Variants in CTNNA2 observed in about 807,000 individuals in gnomAD.
The protein encoded by CTNNA2 is catenin alpha-2.
Under a neutral mutation model 101.0 loss-of-function variants are expected in CTNNA2, and 42 were observed. That is an observed-to-expected ratio of 0.42 (90% CI 0.32 to 0.54). The LOEUF is 0.54. Ranked by LOEUF, CTNNA2 falls within the 20% of genes least tolerant of loss-of-function variation. The pLI is 0.14. For synonymous variants in CTNNA2, 450 were observed against 456.4 expected (o/e 0.99, Z 0.18); for missense variants, 871 against 1,223.1 (o/e 0.71, Z 4.29).
intron 3 of CTNNA2, among the ~76,000 whole-genome samples, chr2:79,752,609 T>C (rs1201756560): frequency 6.6e-6 from 1 of 152,328 alleles, no homozygotes; most frequent in African/African-American, 2.4e-5. Context: ...TATTTCTTTT[T>C]GCCTCTCATA....
At chr2:79,642,333 C>T (rs893337372) in intron 1 of CTNNA2, among the ~76,000 whole-genome samples, 1 of 152,190 alleles carries the variant, frequency 6.6e-6, no homozygotes, top group Non-Finnish European at 1.5e-5. Flanking sequence ...CCGCACCCCA[C>T]CCTGCCTTCA....
chr2:80,579,054 C>T (rs184498290), intron 13 of CTNNA2: 9 of 151,970 alleles, frequency 5.9e-5, no homozygotes, highest in Non-Finnish European at 8.8e-5. Flanking sequence ...TTATAATCTC[C>T]GTTTTATGAG....
At chr2:80,111,535 T>C (rs1441167860) in intron 7 of CTNNA2, among the ~76,000 whole-genome samples, 1 of 152,130 alleles carries the variant, frequency 6.6e-6, no homozygotes, top group Non-Finnish European at 1.5e-5. Context: ...GATGTTGAGG[T>C]AAAATATTTC....
At chr2:79,656,841 C>G (rs1681643601) in intron 2 of CTNNA2, among the ~76,000 whole-genome samples, 1 of 151,222 alleles carries the variant, frequency 6.6e-6, no homozygotes, top group Non-Finnish European at 1.5e-5. Context: ...TATTACAAAA[C>G]TAAAAAAAAA....
intron 7 of CTNNA2, among the ~76,000 whole-genome samples, chr2:80,041,866 A>G (rs1355336173): frequency 6.6e-6 from 1 of 152,262 alleles, no homozygotes; most frequent in Non-Finnish European, 1.5e-5. Context: ...CACAGGTAGC[A>G]CATAGGCTTA....
intron 7 of CTNNA2, among the ~76,000 whole-genome samples, chr2:80,078,709 G>A (rs1388536435): frequency 6.6e-6 from 1 of 152,108 alleles, no homozygotes; most frequent in African/African-American, 2.4e-5. Context: ...GCTCCATCTG[G>A]TGCTGCTTTT....
intron 2 of CTNNA2, among the ~76,000 whole-genome samples, chr2:79,689,291 A>G (rs1463918593): frequency 1.3e-5 from 2 of 151,994 alleles, no homozygotes; most frequent in East Asian, 3.9e-4. Flanking sequence ...TACACTCAGG[A>G]TCAAGGGAAA....
intron 2 of CTNNA2, among the ~76,000 whole-genome samples, chr2:79,717,836 G>A (rs554864941): frequency 8.5e-5 from 13 of 152,328 alleles, no homozygotes; most frequent in African/African-American, 1.9e-4. Context: ...CATGGAGAGA[G>A]TGAATGCTGC....
intron 7 of CTNNA2, among the ~76,000 whole-genome samples, chr2:80,174,374 G>A (rs1302972910): frequency 6.6e-6 from 1 of 152,118 alleles, no homozygotes; most frequent in Non-Finnish European, 1.5e-5. Flanking sequence ...GATACCCGCA[G>A]CACAGCAGTG....
intron 10 of CTNNA2, among the ~76,000 whole-genome samples, chr2:80,545,704 A>T (rs1433606636): frequency 2.0e-5 from 3 of 152,330 alleles, no homozygotes; most frequent in East Asian, 3.9e-4. Flanking sequence ...GCAAACTATT[A>T]TGTCTTAAAA....
rs552932802 is a variant in CTNNA2, at chr2:79,965,060, G to A, written c.1056+55263G>A. Among the ~76,000 whole-genome samples, 86 of 152,292 alleles carry A rather than the reference G, an allele frequency of 5.6e-4. No homozygotes were observed. In the South Asian group the frequency reaches 6.2e-3, roughly 11 times the overall value. ...AATCCCTGTGCTTGAATGGCATTTC[G>A]AAGCACTGTTAATTCCAAGAATTTT... is the stretch of plus-strand genomic sequence containing the variant. On this transcript the variant is annotated intron_variant, in intron 7 of 18. Coordinates refer to ENST00000402739, the MANE Select transcript of CTNNA2 (RefSeq NM_001282597.3).
At chr2:79,917,447 G>GTGAGTTTTTCAC (rs1686330859) in intron 7 of CTNNA2, among the ~76,000 whole-genome samples, 2 of 152,108 alleles carry the variant, frequency 1.3e-5, no homozygotes, top group African/African-American at 4.8e-5. Context: ...TCTCTGAGGT[G>GTGAGTTTTTCAC]AAAAACTATC....
intron 14 of CTNNA2, among the ~76,000 whole-genome samples, chr2:80,588,262 G>A (rs1386159286): frequency 6.6e-6 from 1 of 152,150 alleles, no homozygotes; most frequent in Non-Finnish European, 1.5e-5. Context: ...ACGCACTTCA[G>A]CACCATGCTT....
intron 6 of CTNNA2, among the ~76,000 whole-genome samples, chr2:79,882,188 T>G (rs1340072831): frequency 1.3e-5 from 2 of 152,208 alleles, no homozygotes; most frequent in Non-Finnish European, 1.5e-5. Context: ...GTTAGTCTGA[T>G]GGACTTCCCT....
intron 7 of CTNNA2, among the ~76,000 whole-genome samples, chr2:80,082,330 T>G (rs777676071): frequency 2.6e-5 from 4 of 152,232 alleles, no homozygotes; most frequent in Admixed American, 6.5e-5. Context: ...TTCTCTGATT[T>G]GGTATCCCCA....
At chr2:79,495,299 A>G (rs1671245183) in intron 4 of CTNNA2, among the ~76,000 whole-genome samples, 1 of 152,224 alleles carries the variant, frequency 6.6e-6, no homozygotes, top group African/African-American at 2.4e-5. Flanking sequence ...GTAATTTTTA[A>G]ATGGACAGAA....
At chr2:80,275,959 T>C (rs1441810258) in intron 7 of CTNNA2, among the ~76,000 whole-genome samples, 1 of 152,186 alleles carries the variant, frequency 6.6e-6, no homozygotes, top group Non-Finnish European at 1.5e-5. Flanking sequence ...TAGGAGATTT[T>C]TTTTTATTCC....
chr2:79,573,176 A>G (rs1001364182), intron 1 of CTNNA2, among the ~76,000 whole-genome samples: 1 of 152,204 alleles, frequency 6.6e-6, no homozygotes, highest in Non-Finnish European at 1.5e-5. Flanking sequence ...TGTTCAAGTA[A>G]TAAAAACCGT....
intron 4 of CTNNA2, among the ~76,000 whole-genome samples, chr2:79,377,834 CT>C (rs1677994940): frequency 6.6e-6 from 1 of 152,138 alleles, no homozygotes; most frequent in South Asian, 2.1e-4. Flanking sequence ...CCTTTCTTAT[CT>C]GATGCAAACA....
Sources: allele counts gnomAD v4.1 joint callset (sites outside exome capture counted in the v4.1 genomes callset), GRCh38; gene constraint gnomAD v4.1.1; transcripts MANE v1.5; gene names NCBI Gene and HGNC (gene_info 2026-07-23, HGNC 2026-07-21).